The following INPP5F variants were observed in gnomAD, a reference collection of about 807,000 sequenced individuals.
The protein encoded by INPP5F is inositol polyphosphate-5-phosphatase F.
INPP5F carries 97 observed loss-of-function variants against 137.2 expected under a neutral mutation model. The observed-to-expected ratio is 0.71, with a 90% CI of 0.60 to 0.84. The LOEUF (loss-of-function observed/expected upper bound fraction) is 0.84. Among genes scored for constraint, INPP5F ranks in the 40% least tolerant of loss-of-function variants. The pLI is 0.00. For synonymous variants in INPP5F, 504 were observed against 476.9 expected (o/e 1.06, Z -0.74); for missense variants, 1,271 against 1,371.9 (o/e 0.93, Z 1.16).
chr10:119,816,494 T>A (rs1156761857), intron 15 of INPP5F: 1 of 152,264 alleles, frequency 6.6e-6, no homozygotes, highest in Non-Finnish European at 1.5e-5. Context: ...CTGCTGAGAT[T>A]TCTTTGAATT....
intron 1 of INPP5F, among the ~76,000 whole-genome samples, chr10:119,746,834 A>C (rs1848547999): frequency 1.3e-5 from 2 of 149,512 alleles, no homozygotes; most frequent in African/African-American, 2.5e-5. Context: ...CCCAGGCTGC[A>C]GTTGAGTGCA....
intron 3 of INPP5F, among the ~76,000 whole-genome samples, chr10:119,786,122 TTA>T (rs1182614841): frequency 1.3e-5 from 2 of 152,180 alleles, no homozygotes; most frequent in African/African-American, 4.8e-5. Context: ...ATAAAATTAT[TTA>T]TGTCCCTTTT....
At chr10:119,779,409 T>A (rs1849632965) in intron 2 of INPP5F, among the ~76,000 whole-genome samples, 1 of 151,986 alleles carries the variant, frequency 6.6e-6, no homozygotes, top group African/African-American at 2.4e-5. Context: ...TTTAAAAATT[T>A]TTTTGGGTTT....
rs1318745784 is a variant in INPP5F, at chr10:119,810,099, G to A, written c.1570-1G>A. The stretch of plus-strand genomic sequence containing the variant: ...TGTCAAAATCAGTTTTTGTTTGACA[G>A]GGTGACTTTACAAGGACAGGAGAAA... On this transcript the variant is annotated splice_acceptor_variant, in intron 13 of 19. Transcript: ENST00000650623. LOFTEE classifies it high-confidence loss of function. The A allele has an allele frequency of 6.3e-7, 1 of 1,587,176 alleles. No homozygotes were observed. Among genetic ancestry groups the A allele is most frequent in the Non-Finnish European group, 8.6e-7 (1 of 1,157,538 alleles).
intron 2 of INPP5F, among the ~76,000 whole-genome samples, chr10:119,759,326 A>G (rs1848942296): frequency 6.6e-6 from 1 of 151,940 alleles, no homozygotes; most frequent in Non-Finnish European, 1.5e-5. Flanking sequence ...CCAGCCTCAG[A>G]TACAGTCATT....
At chr10:119,769,558 C>T (rs1210279035) in intron 2 of INPP5F, among the ~76,000 whole-genome samples, 6 of 152,130 alleles carry the variant, frequency 3.9e-5, no homozygotes, top group South Asian at 2.1e-4. Context: ...GTTGGTGGAC[C>T]GAGTAAAGAA....
chr10:119,797,626 C>T lies in INPP5F; in HGVS notation c.1034C>T (p.Pro345Leu), dbSNP rs746325184. ...GTTGGGTATCGATATAACCCAAGAC[C>T]GCGGCTGGACAGAAGTAAGCAGGTC... ...SQVGYRYNPR[P>L]RLDRSEKETV... is the part of the protein sequence containing the mutation. The change falls in exon 8 of 20, where the codon CCG becomes CTG. Residue 345 changes from proline (P) to leucine (L), a missense_variant. This residue lies in a region of INPP5F where 593 missense variants were observed against 712.4 expected (regional missense o/e 0.83). Coordinates refer to ENST00000650623, the MANE Select transcript of INPP5F (RefSeq NM_014937.4). 5.6e-6 allele frequency: 9 copies of T among 1,609,646 alleles called. No individual in the cohort carries two copies. Among genetic ancestry groups the T allele is most frequent in the East Asian group, 2.2e-5 (1 of 44,838 alleles).
rs565216022 is a variant in INPP5F, at chr10:119,782,839, C to CA, written c.315+1069dup. Among the ~76,000 whole-genome samples the CA allele has an allele frequency of 3.3e-4, 50 of 152,264 alleles. 1 individual carries two copies. The South Asian group carries it at 1.0e-2, about 30-fold the overall frequency. ...CTGAACATCAGGTAACAGCAAAGCA[C>CA]ACACTGCCCCACAACTCAACACATG... is the stretch of plus-strand genomic sequence containing the variant. On this transcript the variant is annotated intron_variant, in intron 3 of 19. Transcript: ENST00000650623.
At position 119,795,948 on chromosome 10, in the gene INPP5F, C is replaced by T. The variant is rs1408496285; in HGVS notation, c.670-767C>T. Reference sequence around the variant, plus strand: ...TGAAAACCAGTCAGGCGTGGCGGCGCGCGCCTGCAATCGCAGGCACTCGGC... The same window carrying T: ...TGAAAACCAGTCAGGCGTGGCGGCGTGCGCCTGCAATCGCAGGCACTCGGC... On this transcript the variant is annotated intron_variant, in intron 6 of 19. Coordinates refer to ENST00000650623, the MANE Select transcript of INPP5F (RefSeq NM_014937.4). Among the ~76,000 whole-genome samples, 12 of 152,208 alleles carry T rather than the reference C, an allele frequency of 7.9e-5. No individual in the cohort carries two copies. The East Asian group carries it at 2.1e-3, about 27-fold the overall frequency.
intron 9 of INPP5F, among the ~76,000 whole-genome samples, chr10:119,801,701 C>T (rs1213722028): frequency 6.6e-6 from 1 of 152,058 alleles, no homozygotes; most frequent in East Asian, 1.9e-4. Flanking sequence ...GATTGTGCCA[C>T]TGCACTCCAG....
At chr10:119,744,804 G>A (rs1384474353) in intron 1 of INPP5F, among the ~76,000 whole-genome samples, 8 of 152,078 alleles carry the variant, frequency 5.3e-5, no homozygotes, top group Admixed American at 3.9e-4. Flanking sequence ...CTTCAGCCTC[G>A]TAAAATGCTG....
intron 6 of INPP5F, among the ~76,000 whole-genome samples, chr10:119,794,837 C>T (rs1416117493): frequency 9.4e-6 from 1 of 106,616 alleles, no homozygotes; most frequent in Non-Finnish European, 2.1e-5. Context: ...GGCGGCTGGC[C>T]GGGCGGGGGT....
intron 12 of INPP5F, among the ~76,000 whole-genome samples, chr10:119,807,077 C>T (rs1850822480): frequency 6.6e-6 from 1 of 151,986 alleles, no homozygotes; most frequent in Non-Finnish European, 1.5e-5. Flanking sequence ...TTGAGACCAG[C>T]CTGGCCAAAA....
chr10:119,759,087 G>C (rs1287175482), intron 2 of INPP5F, among the ~76,000 whole-genome samples: 1 of 152,228 alleles, frequency 6.6e-6, no homozygotes, highest in African/African-American at 2.4e-5. Flanking sequence ...CTCATCCTCT[G>C]CTGGAGGCTG....
chr10:119,813,851 G>A (rs184745576), intron 15 of INPP5F, among the ~76,000 whole-genome samples: 18 of 152,198 alleles, frequency 1.2e-4, no homozygotes, highest in Admixed American at 2.6e-4. Flanking sequence ...TCACCATTGG[G>A]TGATTAGAGT....
chr10:119,730,555 G>C (rs1848027220), intron 1 of INPP5F, among the ~76,000 whole-genome samples: 2 of 152,210 alleles, frequency 1.3e-5, no homozygotes, highest in Non-Finnish European at 2.9e-5. Flanking sequence ...TTGGGGGAAT[G>C]CTGATATGGT....
rs559444600 is a variant in INPP5F, at chr10:119,729,097, T to C, written c.97+2738T>C. ...TATCATTGCCTTAAAAATAAGATGTTGTATTATGTTTGTTGCTCTTTTTAG... is the reference window on the plus strand; with the variant it reads ...TATCATTGCCTTAAAAATAAGATGTCGTATTATGTTTGTTGCTCTTTTTAG... On this transcript the variant is annotated intron_variant, in intron 1 of 19. Transcript: ENST00000650623. Among the ~76,000 whole-genome samples the C allele has an allele frequency of 4.9e-4, 74 of 152,066 alleles. 3 individuals carry two copies. Among genetic ancestry groups the C allele is most frequent in the Middle Eastern group, 3.4e-3 (1 of 294 alleles).
chr10:119,812,033 T>C (rs1241634661), intron 15 of INPP5F, 78 bp downstream of exon 15: 1 of 1,159,036 alleles, frequency 8.6e-7, no homozygotes, highest in Non-Finnish European at 1.3e-6. Context: ...CTGGCAGTTG[T>C]CCCTAAAGCT....
At chr10:119,824,308 C>T (rs1021820489) in intron 19 of INPP5F, among the ~76,000 whole-genome samples, 2 of 152,218 alleles carry the variant, frequency 1.3e-5, no homozygotes, top group Non-Finnish European at 2.9e-5. Flanking sequence ...TTCCACACTG[C>T]ATTTAGTTGT....
Sources: gnomAD v4.1 joint callset for allele counts (sites outside exome capture counted in the v4.1 genomes callset) on GRCh38, gnomAD v4.1.1 for gene constraint, gnomAD v4.1.1 regional missense constraint, MANE v1.5 for transcripts, NCBI Gene and HGNC (gene_info 2026-07-23, HGNC 2026-07-21) for gene names.